Variants in CDH8 observed in about 807,000 individuals in gnomAD.
The protein encoded by CDH8 is cadherin-8.
In CDH8, 17 loss-of-function variants were observed where a neutral mutation model predicts 68.1. The ratio of observed to expected loss-of-function variants is 0.25; its 90% CI spans 0.17 to 0.37. CDH8 has a LOEUF of 0.37. CDH8 is among the 10% of genes least tolerant of loss of function. CDH8 has a pLI of 1.00. For synonymous variants in CDH8, 372 were observed against 365.1 expected (o/e 1.02, Z -0.21); for missense variants, 763 against 999.3 (o/e 0.76, Z 3.19).
chr16:61,992,050 TTGTG>T (rs11271459), intron 2 of CDH8, among the ~76,000 whole-genome samples: 40 of 144,428 alleles, frequency 2.8e-4, no homozygotes, highest in South Asian at 1.4e-3. Context: ...TGCTAAATCT[TTGTG>T]TGTGTGTGTG....
At chr16:61,748,972 A>AC (rs1960091807) in intron 8 of CDH8, among the ~76,000 whole-genome samples, 1 of 152,078 alleles carries the variant, frequency 6.6e-6, no homozygotes, top group African/African-American at 2.4e-5. Flanking sequence ...TTCAGAAGGA[A>AC]AATCATTATT....
chr16:61,742,988 A>G (rs1414899107), intron 8 of CDH8, among the ~76,000 whole-genome samples: 4 of 152,198 alleles, frequency 2.6e-5, no homozygotes, highest in Non-Finnish European at 5.9e-5. Flanking sequence ...CCATTTTGCA[A>G]AGCCTGCGTT....
chr16:61,696,833 A>G (rs1448472868), intron 10 of CDH8, among the ~76,000 whole-genome samples: 1 of 152,162 alleles, frequency 6.6e-6, no homozygotes, highest in South Asian at 2.1e-4. Context: ...ACAAATCAAC[A>G]CAGGGACAGG....
intron 3 of CDH8, among the ~76,000 whole-genome samples, chr16:61,871,917 A>G (rs1963377786): frequency 6.6e-6 from 1 of 151,796 alleles, no homozygotes; most frequent in African/African-American, 2.4e-5. Flanking sequence ...GAAACCATCA[A>G]ACAAAGCACA....
chr16:61,831,392 C>T (rs1418725451), intron 4 of CDH8, among the ~76,000 whole-genome samples: 4 of 151,694 alleles, frequency 2.6e-5, no homozygotes, highest in Admixed American at 6.6e-5. Flanking sequence ...GTTTGATTCT[C>T]CTGTATTTAA....
Position 61,651,060 on chromosome 16 carries a change from A to G in CDH8, c.*2548T>C, listed in dbSNP as rs1963312260. The G allele has an allele frequency of 6.6e-6, 1 of 151,988 alleles. No homozygotes were observed. The highest frequency in any genetic ancestry group is 1.5e-5 in the Non-Finnish European group (1 of 68,008). The allele number at this position is 151,988 out of a possible 1,614,324, so 9.4% of individuals were successfully genotyped here. A position where few individuals can be genotyped will look rare whatever the true frequency, so the allele number is the denominator to read the frequency against. The stretch of plus-strand genomic sequence containing the variant: ...CAATATTTGAGGATACAGATTTTAT[A>G]CTCCTTAAAAAATACTGTAATTATT... On this transcript the variant is annotated 3_prime_UTR_variant, in exon 12 of 12. Coordinates refer to ENST00000577390, the MANE Select transcript of CDH8 (RefSeq NM_001796.5).
chr16:61,953,926 T>TAA (rs1193371584), intron 2 of CDH8, among the ~76,000 whole-genome samples: 19 of 118,986 alleles, frequency 1.6e-4, no homozygotes, highest in East Asian at 4.7e-4. Flanking sequence ...TATATATATA[T>TAA]AAAATACCTT....
chr16:61,834,119 G>C (rs1299692033), intron 4 of CDH8, among the ~76,000 whole-genome samples: 1 of 151,944 alleles, frequency 6.6e-6, no homozygotes, highest in African/African-American at 2.4e-5. Context: ...AAGAAAGAGA[G>C]AGAAAAACGT....
chr16:61,666,644 G>A (rs1207685033), intron 10 of CDH8, among the ~76,000 whole-genome samples: 1 of 11,594 alleles, frequency 8.6e-5, no homozygotes, highest in Admixed American at 6.5e-4. Flanking sequence ...TGTGCCTTGC[G>A]AGAAATGTTG....
chr16:61,749,229 G>C (rs946668987), intron 8 of CDH8, among the ~76,000 whole-genome samples: 2 of 152,126 alleles, frequency 1.3e-5, no homozygotes, highest in Non-Finnish European at 2.9e-5. Flanking sequence ...AAGGCCGCCA[G>C]AGCTTTGAGC....
At chr16:61,707,242 A>C (rs1246965212) in intron 10 of CDH8, among the ~76,000 whole-genome samples, 1 of 152,208 alleles carries the variant, frequency 6.6e-6, no homozygotes, top group Non-Finnish European at 1.5e-5. Flanking sequence ...GAAGAGGACA[A>C]GGAAACTATT....
chr16:61,788,685 A>T (rs1961300259), intron 8 of CDH8, among the ~76,000 whole-genome samples: 2 of 152,038 alleles, frequency 1.3e-5, no homozygotes, highest in South Asian at 4.1e-4. Flanking sequence ...AAGAAGAAAA[A>T]AAAGTCAATA....
intron 2 of CDH8, among the ~76,000 whole-genome samples, chr16:61,947,595 AG>A (rs1964820896): frequency 6.6e-6 from 1 of 152,194 alleles, no homozygotes; most frequent in African/African-American, 2.4e-5. Context: ...TCTGAGGGAA[AG>A]TAAAAAACAT....
chr16:61,842,054 A>ATTTTTTTTTTTT (rs543607290), intron 4 of CDH8, among the ~76,000 whole-genome samples: 2 of 132,380 alleles, frequency 1.5e-5, no homozygotes, highest in African/African-American at 5.8e-5. Context: ...CGCCCGGCTA[A>ATTTTTTTTTTTT]TTTTTTTTTT....
chr16:61,846,192 A>C, intron 4 of CDH8, among the ~76,000 whole-genome samples: 1 of 152,182 alleles, frequency 6.6e-6, no homozygotes, highest in East Asian at 1.9e-4. Context: ...TGTTCCATTA[A>C]GTTTCCACTT....
intron 2 of CDH8, among the ~76,000 whole-genome samples, chr16:61,924,509 C>G (rs1369707224): frequency 1.3e-5 from 2 of 152,074 alleles, no homozygotes; most frequent in African/African-American, 2.4e-5. Context: ...CACCTCTGAC[C>G]TCTACATTCA....
At chr16:61,698,895 G>A (rs1475547966) in intron 10 of CDH8, among the ~76,000 whole-genome samples, 1 of 152,090 alleles carries the variant, frequency 6.6e-6, no homozygotes, top group South Asian at 2.1e-4. Flanking sequence ...GAGTTGAAGT[G>A]GGAATATTTA....
intron 3 of CDH8, among the ~76,000 whole-genome samples, chr16:61,863,409 TA>T (rs1230705606): frequency 6.6e-6 from 1 of 152,162 alleles, no homozygotes; most frequent in Non-Finnish European, 1.5e-5. Flanking sequence ...AGTTTGCTGA[TA>T]AACTAAGATG....
intron 10 of CDH8, among the ~76,000 whole-genome samples, chr16:61,658,116 G>C (rs1963486723): frequency 2.0e-5 from 3 of 151,724 alleles, no homozygotes; most frequent in Non-Finnish European, 4.4e-5. Context: ...TTTTGGATTG[G>C]TAATTGTATT....
Sources: gnomAD v4.1 joint callset for allele counts (sites outside exome capture counted in the v4.1 genomes callset) on GRCh38, gnomAD v4.1.1 for gene constraint, MANE v1.5 for transcripts, NCBI Gene and HGNC (gene_info 2026-07-23, HGNC 2026-07-21) for gene names.